ANGPT1: variants seen among roughly 807,000 people sequenced by gnomAD.
The protein encoded by ANGPT1 is angiopoietin-1.
ANGPT1 carries 17 observed loss-of-function variants against 62.2 expected under a neutral mutation model. The ratio of observed to expected loss-of-function variants is 0.27; its 90% CI spans 0.19 to 0.41. The LOEUF is 0.41. Among genes scored for constraint, ANGPT1 ranks in the 10% least tolerant of loss-of-function variants. The pLI is 1.00. For missense variants in ANGPT1, 478 were observed against 594.9 expected (o/e 0.80, Z 2.04); for synonymous variants, 199 against 198.9 (o/e 1.00, Z 0.00).
At chr8:107,423,809 A>ACCTTTT (rs1161466617) in intron 1 of ANGPT1, among the ~76,000 whole-genome samples, 1 of 134,694 alleles carries the variant, frequency 7.4e-6, no homozygotes, top group Non-Finnish European at 1.6e-5. Context: ...GATTTCAGGT[A>ACCTTTT]CCTTTTCCTT....
intron 1 of ANGPT1, among the ~76,000 whole-genome samples, chr8:107,347,386 C>T (rs903701911): frequency 3.3e-5 from 5 of 151,976 alleles, no homozygotes; most frequent in African/African-American, 1.2e-4. Flanking sequence ...GCCTTTATAG[C>T]AAAGATGTAT....
rs544189816 is a variant in ANGPT1 at position 107,251,681 on chromosome 8, G to C, written c.*174C>G. The C allele has an allele frequency of 3.0e-5, 23 of 758,876 alleles. No individual in the cohort carries two copies. In the South Asian group the frequency reaches 4.5e-4, roughly 15 times the overall value. The allele number at this position is 758,876 out of a possible 1,614,324, so 47.0% of individuals were successfully genotyped here. On this transcript the variant is annotated 3_prime_UTR_variant, in exon 9 of 9. Transcript: ENST00000517746. ...TGTCACCCCAAGTAGAGACTCTTGT[G>C]AACTCAAACGGCTCCAGATTCACGG...
chr8:107,444,495 C>T (rs1263490783), intron 1 of ANGPT1, among the ~76,000 whole-genome samples: 1 of 152,116 alleles, frequency 6.6e-6, no homozygotes, highest in Non-Finnish European at 1.5e-5. Flanking sequence ...TCCTATCCCT[C>T]ATTCTCAGTG....
chr8:107,262,586 T>C (rs1813518695), intron 8 of ANGPT1, among the ~76,000 whole-genome samples: 1 of 152,228 alleles, frequency 6.6e-6, no homozygotes, highest in African/African-American at 2.4e-5. Context: ...GTTTTAATAA[T>C]GGTAGTAACG....
chr8:107,313,126 AAAT>A (rs141386981), intron 4 of ANGPT1, among the ~76,000 whole-genome samples: 2,548 of 152,254 alleles, frequency 0.017, 90 homozygotes, highest in African/African-American at 0.057. Flanking sequence ...TCACACCTAA[AAAT>A]AATTAAGATA....
At chr8:107,481,190 T>G (rs1478351145) in intron 1 of ANGPT1, among the ~76,000 whole-genome samples, 4 of 152,114 alleles carry the variant, frequency 2.6e-5, no homozygotes, top group African/African-American at 9.7e-5. Context: ...GCATCCACCT[T>G]ACAGTCCTGA....
intron 1 of ANGPT1, among the ~76,000 whole-genome samples, chr8:107,490,975 T>C (rs1025104366): frequency 3.3e-5 from 5 of 152,166 alleles, no homozygotes; most frequent in African/African-American, 1.2e-4. Flanking sequence ...TGCCATTATG[T>C]AGTTAAAAAG....
At chr8:107,496,668 G>A (rs1047405172) in intron 1 of ANGPT1, among the ~76,000 whole-genome samples, 1 of 151,776 alleles carries the variant, frequency 6.6e-6, no homozygotes, top group Non-Finnish European at 1.5e-5. Context: ...CTCAAGGACA[G>A]AAGAAAAAAA....
chr8:107,296,374 T>G (rs565527985), intron 5 of ANGPT1, among the ~76,000 whole-genome samples: 10 of 152,190 alleles, frequency 6.6e-5, no homozygotes, highest in East Asian at 1.9e-4. Context: ...ACAGGAGAGA[T>G]AAAATAGGAA....
At chr8:107,339,760 T>C (rs1383433523) in intron 2 of ANGPT1, among the ~76,000 whole-genome samples, 2 of 152,106 alleles carry the variant, frequency 1.3e-5, no homozygotes, top group Non-Finnish European at 1.5e-5. Flanking sequence ...TAGATGACAT[T>C]CTGGGCAATG....
chr8:107,327,573 T>C (rs1306775729), intron 3 of ANGPT1, among the ~76,000 whole-genome samples: 1 of 152,186 alleles, frequency 6.6e-6, no homozygotes, highest in African/African-American at 2.4e-5. Flanking sequence ...GGGAGGCCTA[T>C]ATTAAACAAA....
At chr8:107,281,933 G>C (rs566727204) in intron 7 of ANGPT1, among the ~76,000 whole-genome samples, 1 of 151,762 alleles carries the variant, frequency 6.6e-6, no homozygotes, top group Non-Finnish European at 1.5e-5. Flanking sequence ...TCAGAGGGAC[G>C]AGACATGAAT....
At chr8:107,466,925 G>A (rs1484839243) in intron 1 of ANGPT1, among the ~76,000 whole-genome samples, 4 of 151,796 alleles carry the variant, frequency 2.6e-5, no homozygotes, top group Admixed American at 6.6e-5. Flanking sequence ...AATTATAATC[G>A]AGAAATATAC....
chr8:107,369,749 G>A (rs1210131106), intron 1 of ANGPT1, among the ~76,000 whole-genome samples: 1 of 137,992 alleles, frequency 7.2e-6, no homozygotes, highest in African/African-American at 2.8e-5. Flanking sequence ...CCCATGAGTG[G>A]AGAAGTCAGA....
At chr8:107,302,863 T>C (rs557256346) in intron 5 of ANGPT1, among the ~76,000 whole-genome samples, 2 of 152,048 alleles carry the variant, frequency 1.3e-5, no homozygotes, top group Non-Finnish European at 2.9e-5. Flanking sequence ...CCTCACAGTA[T>C]TTGGCTTTGG....
At chr8:107,356,478 T>G (rs2130189376) in intron 1 of ANGPT1, among the ~76,000 whole-genome samples, 1 of 152,268 alleles carries the variant, frequency 6.6e-6, no homozygotes, top group South Asian at 2.1e-4. Flanking sequence ...CGAGAGAATC[T>G]AATAAGTCTT....
chr8:107,393,548 G>T (rs1365529190), intron 1 of ANGPT1, among the ~76,000 whole-genome samples: 1 of 152,112 alleles, frequency 6.6e-6, no homozygotes, highest in African/African-American at 2.4e-5. Flanking sequence ...AGCGGCTCAC[G>T]CCTGTAATCC....
intron 7 of ANGPT1, among the ~76,000 whole-genome samples, chr8:107,280,346 A>G (rs1813975369): frequency 1.3e-5 from 2 of 152,006 alleles, no homozygotes; most frequent in African/African-American, 4.8e-5. Flanking sequence ...GATTATAGGC[A>G]TGTGCTACCA....
chr8:107,324,397 G>C (rs1815236390), intron 3 of ANGPT1, among the ~76,000 whole-genome samples: 1 of 152,002 alleles, frequency 6.6e-6, no homozygotes, highest in African/African-American at 2.4e-5. Context: ...AGACAGATCA[G>C]ATGTGCACAC....
Sources: allele counts gnomAD v4.1 joint callset (sites outside exome capture counted in the v4.1 genomes callset), GRCh38; gene constraint gnomAD v4.1.1; transcripts MANE v1.5; gene names NCBI Gene and HGNC (gene_info 2026-07-23, HGNC 2026-07-21).